Variants in DPP4 observed in about 807,000 individuals in gnomAD.
DPP4 encodes the protein dipeptidyl peptidase 4.
Under a neutral mutation model 122.4 loss-of-function variants are expected in DPP4, and 93 were observed. The ratio of observed to expected loss-of-function variants is 0.76; its 90% CI spans 0.64 to 0.90. The LOEUF (loss-of-function observed/expected upper bound fraction) is 0.90, where lower values mean the gene tolerates loss of function less well. DPP4 is among the 40% of genes least tolerant of loss of function. The probability of loss-of-function intolerance (pLI) is 0.00; values close to 1 mark genes in which losing one functional copy is unlikely to be tolerated. For synonymous variants in DPP4, 321 were observed against 302.9 expected (o/e 1.06, Z -0.62); for missense variants, 914 against 907.3 (o/e 1.01, Z -0.09).
intron 25 of DPP4, 54 bp downstream of exon 25, chr2:161,994,907 G>A: frequency 6.5e-7 from 1 of 1,536,506 alleles, no homozygotes; most frequent in Non-Finnish European, 9.0e-7. Flanking sequence ...CCCAGAAAGA[G>A]GAAACTAGAC....
At position 162,047,388 on chromosome 2, in the gene DPP4, C is replaced by G. The variant is rs201259474; in HGVS notation, c.193+15G>C. On this transcript the variant is annotated intron_variant, in intron 3 of 25. Transcript: ENST00000360534. ...ATGTAAGCATAAAATCTGCCCTACC[C>G]CAAAAAATTCTTACCTGAAATCCAT... 2 of 1,489,874 alleles carry G rather than the reference C, an allele frequency of 1.3e-6. No homozygotes were observed. Among genetic ancestry groups the G allele is most frequent in the Non-Finnish European group, 1.8e-6 (2 of 1,092,952 alleles). The allele number at this position is 1,489,874 out of a possible 1,614,324, so 92.3% of individuals were successfully genotyped here.
At chr2:162,013,861 T>C (rs1682803595) in intron 19 of DPP4, among the ~76,000 whole-genome samples, 1 of 152,184 alleles carries the variant, frequency 6.6e-6, no homozygotes, top group Non-Finnish European at 1.5e-5. Flanking sequence ...TTCATGTGAG[T>C]TCACATTCAC....
chr2:162,015,592 C>G (rs1346496482), intron 18 of DPP4, among the ~76,000 whole-genome samples: 1 of 152,124 alleles, frequency 6.6e-6, no homozygotes, highest in African/African-American at 2.4e-5. Flanking sequence ...GGGGTTCTTT[C>G]TATTCACAGA....
intron 2 of DPP4, among the ~76,000 whole-genome samples, chr2:162,048,481 C>T (rs1045832784): frequency 6.6e-6 from 1 of 152,104 alleles, no homozygotes; most frequent in African/African-American, 2.4e-5. Context: ...AAGATTAACA[C>T]TCCTTAGCCT....
At chr2:162,025,790 C>G (rs1236557498) in intron 10 of DPP4, among the ~76,000 whole-genome samples, 3 of 152,146 alleles carry the variant, frequency 2.0e-5, no homozygotes, top group African/African-American at 7.2e-5. Flanking sequence ...TGATTGCAGC[C>G]TTGCTCTTTT....
rs199755074 is a variant in DPP4, at chr2:162,008,607, T to C, written c.1942A>G (p.Lys648Glu). 2.5e-5 allele frequency: 41 copies of C among 1,613,468 alleles called. No homozygotes were observed. Among genetic ancestry groups the C allele is most frequent in the Non-Finnish European group, 3.5e-5 (41 of 1,179,728 alleles). ...ACAGGCGCCACGGCTATTCCACACT[T>C]GAACACGCCACTTCCCGATCCCAGG... ...MVLGSGSGVF[K>E]CGIAVAPVSR... Residue 648 changes from lysine to glutamate, a missense_variant, in exon 22 of 26, where the codon AAG (lysine) becomes GAG (glutamate). Physicochemically the swap from Lys to Glu is moderately conservative, Grantham distance 56. Transcript: ENST00000360534.
intron 4 of DPP4, among the ~76,000 whole-genome samples, chr2:162,045,891 G>A (rs140074827): frequency 7.7e-4 from 118 of 152,300 alleles, no homozygotes; most frequent in Non-Finnish European, 1.3e-3. Context: ...TGGGAATAGC[G>A]TAAGCAAAAT....
chr2:162,067,731 T>A (rs1274453246), intron 2 of DPP4, among the ~76,000 whole-genome samples: 1 of 152,208 alleles, frequency 6.6e-6, no homozygotes, highest in East Asian at 1.9e-4. Context: ...AGACACACCC[T>A]CTTTTGGAGG....
At chr2:162,017,080 A>G (rs756700985) in intron 17 of DPP4, 28 bp downstream of exon 17, 4 of 1,604,486 alleles carry the variant, frequency 2.5e-6, no homozygotes, top group Non-Finnish European at 3.4e-6. Flanking sequence ...TCTTAGAAAC[A>G]AATGAAGAGT....
intron 10 of DPP4, among the ~76,000 whole-genome samples, chr2:162,029,831 G>A (rs1576050607): frequency 6.6e-6 from 1 of 152,156 alleles, no homozygotes; most frequent in East Asian, 1.9e-4. Context: ...TTTTGGCAGA[G>A]AGGAGATAAA....
chr2:162,060,442 A>G (rs1444030600), intron 2 of DPP4, among the ~76,000 whole-genome samples: 1 of 152,210 alleles, frequency 6.6e-6, no homozygotes, highest in Non-Finnish European at 1.5e-5. Flanking sequence ...CCATGGGAAT[A>G]CCCAATAACT....
At chr2:162,016,451 G>T (rs891026260) in intron 18 of DPP4, among the ~76,000 whole-genome samples, 3 of 152,126 alleles carry the variant, frequency 2.0e-5, no homozygotes, top group African/African-American at 7.2e-5. Flanking sequence ...AATATGCTAG[G>T]ATGTCATTAA....
intron 10 of DPP4, among the ~76,000 whole-genome samples, chr2:162,026,794 C>G (rs772797049): frequency 2.8e-4 from 42 of 152,248 alleles, no homozygotes; most frequent in Non-Finnish European, 3.2e-4. Context: ...CCAAGAAAGG[C>G]AATAAATCTG....
intron 22 of DPP4, among the ~76,000 whole-genome samples, chr2:162,006,330 C>T (rs569463342): frequency 1.3e-5 from 2 of 152,136 alleles, no homozygotes; most frequent in East Asian, 3.9e-4. Flanking sequence ...TTTTGGAGAC[C>T]CCTAACAATG....
chr2:162,048,370 T>G (rs1399511836), intron 2 of DPP4, among the ~76,000 whole-genome samples: 1 of 152,112 alleles, frequency 6.6e-6, no homozygotes, highest in Non-Finnish European at 1.5e-5. Flanking sequence ...ATTCTCTCCC[T>G]CCTCTGCACC....
At position 162,024,947 on chromosome 2, in the gene DPP4, G is replaced by A. The variant is rs1482940794; in HGVS notation, c.888-8C>T. 4.3e-6 allele frequency: 7 copies of A among 1,611,900 alleles called. No homozygotes were observed. Among genetic ancestry groups the A allele is most frequent in the Admixed American group, 1.7e-5 (1 of 59,932 alleles). On this transcript the variant is annotated splice_region_variant and splice_polypyrimidine_tract_variant and intron_variant, in intron 10 of 25. Transcript: ENST00000360534. ...TCACACAAGTAGTGATCCCTGGAAG[G>A]AAGAAAGAAAGGAAGGACAGAGAGA...
At chr2:162,054,182 C>T (rs1355694938) in intron 2 of DPP4, among the ~76,000 whole-genome samples, 4 of 152,286 alleles carry the variant, frequency 2.6e-5, no homozygotes, top group South Asian at 2.1e-4. Context: ...ACTTATTAAC[C>T]GTTTCTTGCT....
intron 23 of DPP4, among the ~76,000 whole-genome samples, chr2:161,996,562 G>A (rs1405876289): frequency 6.6e-6 from 1 of 152,150 alleles, no homozygotes; most frequent in Non-Finnish European, 1.5e-5. Context: ...TGCAACTGGA[G>A]GTATGCTGCT....
At chr2:161,999,465 C>A (rs1277460239) in intron 23 of DPP4, among the ~76,000 whole-genome samples, 2 of 152,142 alleles carry the variant, frequency 1.3e-5, no homozygotes, top group Non-Finnish European at 2.9e-5. Context: ...GGCAAGGATG[C>A]AATGGTGGTG....
Sources: allele counts gnomAD v4.1 joint callset (sites outside exome capture counted in the v4.1 genomes callset), GRCh38; gene constraint gnomAD v4.1.1; transcripts MANE v1.5; gene names NCBI Gene and HGNC (gene_info 2026-07-23, HGNC 2026-07-21).